The following GRM8 variants were observed in gnomAD, a reference collection of about 807,000 sequenced individuals.
GRM8 encodes metabotropic glutamate receptor 8.
In GRM8, 47 loss-of-function variants were observed where a neutral mutation model predicts 87.2. The ratio of observed to expected loss-of-function variants is 0.54; its 90% CI spans 0.43 to 0.69. The LOEUF (loss-of-function observed/expected upper bound fraction) is 0.69. Among genes scored for constraint, GRM8 ranks in the 30% least tolerant of loss-of-function variants. GRM8 has a pLI of 0.00. For missense variants in GRM8, 1,019 were observed against 1,139.2 expected (o/e 0.89, Z 1.52); for synonymous variants, 396 against 404.5 (o/e 0.98, Z 0.25).
At chr7:127,060,940 C>T (rs1403892545) in intron 3 of GRM8, among the ~76,000 whole-genome samples, 1 of 152,136 alleles carries the variant, frequency 6.6e-6, no homozygotes, top group Non-Finnish European at 1.5e-5. Context: ...AATAGGGACA[C>T]ATTTGTGCAA....
intron 7 of GRM8, among the ~76,000 whole-genome samples, chr7:126,722,944 A>C (rs899612550): frequency 6.8e-6 from 1 of 147,048 alleles, no homozygotes; most frequent in African/African-American, 2.5e-5. Flanking sequence ...TATATGTTAT[A>C]GATAATATAT....
intron 7 of GRM8, among the ~76,000 whole-genome samples, chr7:126,696,798 T>C (rs1485817121): frequency 6.6e-6 from 1 of 152,062 alleles, no homozygotes. Context: ...GTTTACTGAA[T>C]ACAGGCCTTC....
chr7:126,940,382 C>T (rs1257743766), intron 3 of GRM8, among the ~76,000 whole-genome samples: 1 of 152,180 alleles, frequency 6.6e-6, no homozygotes, highest in Non-Finnish European at 1.5e-5. Flanking sequence ...AGCCATGGAG[C>T]CTCTTGCTGA....
intron 7 of GRM8, among the ~76,000 whole-genome samples, chr7:126,680,679 C>A (rs1350197163): frequency 2.6e-5 from 4 of 152,192 alleles, no homozygotes; most frequent in African/African-American, 4.8e-5. Context: ...TTATCATTGT[C>A]TATCTGCCCT....
intron 3 of GRM8, among the ~76,000 whole-genome samples, chr7:126,978,524 T>C (rs1811226072): frequency 6.6e-6 from 1 of 152,176 alleles, no homozygotes; most frequent in South Asian, 2.1e-4. Context: ...GTAGGACAGA[T>C]GTATTAGACT....
At chr7:126,602,806 A>G (rs1427040079) in intron 8 of GRM8, among the ~76,000 whole-genome samples, 2 of 149,686 alleles carry the variant, frequency 1.3e-5, no homozygotes, top group East Asian at 4.0e-4. Context: ...TACCAGAGGT[A>G]CAAGGAGGAA....
At chr7:127,183,606 C>A (rs1717723722) in intron 2 of GRM8, among the ~76,000 whole-genome samples, 1 of 151,230 alleles carries the variant, frequency 6.6e-6, no homozygotes, top group South Asian at 2.1e-4. Flanking sequence ...AATCAATAGT[C>A]TAAACTTTCT....
chr7:126,526,584 C>G lies in GRM8; in HGVS notation c.2430+6368G>C, dbSNP rs545253605. Among the ~76,000 whole-genome samples the G allele has an allele frequency of 3.9e-5, 6 of 152,328 alleles. No homozygotes were observed. The South Asian group carries it at 1.2e-3, about 32-fold the overall frequency. On this transcript the variant is annotated intron_variant, in intron 9 of 10. Coordinates refer to ENST00000339582, the MANE Select transcript of GRM8 (RefSeq NM_000845.3). Reference sequence around the variant, plus strand: ...GTAATCTTCAGCCCCACAGCTTCCTCAGAACCCCCAAAAGTAGGATGTGTA... The same window carrying G: ...GTAATCTTCAGCCCCACAGCTTCCTGAGAACCCCCAAAAGTAGGATGTGTA...
chr7:126,636,330 T>A (rs1359284001), intron 7 of GRM8, among the ~76,000 whole-genome samples: 1 of 152,078 alleles, frequency 6.6e-6, no homozygotes, highest in Non-Finnish European at 1.5e-5. Flanking sequence ...AGGCCTCCCA[T>A]GGATACCAAA....
At chr7:126,910,444 T>G (rs753068720) in intron 3 of GRM8, among the ~76,000 whole-genome samples, 3 of 152,168 alleles carry the variant, frequency 2.0e-5, no homozygotes, top group Non-Finnish European at 4.4e-5. Context: ...TGACAGGTAC[T>G]GCTAGGATAG....
At chr7:126,937,116 G>A (rs968596822) in intron 3 of GRM8, among the ~76,000 whole-genome samples, 1 of 152,168 alleles carries the variant, frequency 6.6e-6, no homozygotes, top group Non-Finnish European at 1.5e-5. Flanking sequence ...CTGTTGCTCA[G>A]AGCATCCTTC....
chr7:126,626,677 T>G (rs1800729866), intron 7 of GRM8, among the ~76,000 whole-genome samples: 1 of 152,160 alleles, frequency 6.6e-6, no homozygotes, highest in African/African-American at 2.4e-5. Flanking sequence ...TATTTTTCTT[T>G]CTTAGAAGTG....
At chr7:126,913,539 T>A (rs1803536855) in intron 3 of GRM8, among the ~76,000 whole-genome samples, 1 of 152,202 alleles carries the variant, frequency 6.6e-6, no homozygotes, top group Non-Finnish European at 1.5e-5. Flanking sequence ...TGCCTTCAGA[T>A]AATAGCAATG....
At chr7:126,503,969 G>C (rs182354721) in intron 9 of GRM8, among the ~76,000 whole-genome samples, 1 of 152,020 alleles carries the variant, frequency 6.6e-6, no homozygotes, top group East Asian at 1.9e-4. Flanking sequence ...CGCAGTCTTT[G>C]CATGAATTAA....
chr7:126,740,084 A>C (rs759791045), intron 7 of GRM8, among the ~76,000 whole-genome samples: 6 of 152,140 alleles, frequency 3.9e-5, no homozygotes, highest in Non-Finnish European at 5.9e-5. Context: ...AATGGTCTAC[A>C]TTTATATAGT....
At chr7:127,042,672 C>G (rs999705067) in intron 3 of GRM8, among the ~76,000 whole-genome samples, 7 of 152,092 alleles carry the variant, frequency 4.6e-5, no homozygotes, top group Non-Finnish European at 8.8e-5. Context: ...AGAAGAAAAC[C>G]TAGGCAATTC....
At chr7:126,547,904 A>G (rs992030799) in intron 8 of GRM8, among the ~76,000 whole-genome samples, 2 of 131,164 alleles carry the variant, frequency 1.5e-5, no homozygotes, top group Non-Finnish European at 3.4e-5. Flanking sequence ...AATGAAAAAA[A>G]AAACCTAGTT....
chr7:126,446,322 T>C lies in GRM8; in HGVS notation c.2481A>G (p.Ser827=). The change falls in exon 10 of 11, where the codon TCA becomes TCG. Residue 827 remains serine (S), a synonymous_variant. Coordinates refer to ENST00000339582, the MANE Select transcript of GRM8 (RefSeq NM_000845.3). ...GCATATAGAGCATGCCCAGAGATACTGAAGCACTTAAACTCATGGAGACAG... is the reference window on the plus strand; with the variant it reads ...GCATATAGAGCATGCCCAGAGATACCGAAGCACTTAAACTCATGGAGACAG... ...TLTVSMSLSA[S]VSLGMLYMPK... 3 of 1,610,468 alleles carry C rather than the reference T, an allele frequency of 1.9e-6. No homozygotes were observed. The highest frequency in any genetic ancestry group is 2.2e-5 in the South Asian group (2 of 91,002).
At chr7:127,030,611 T>G (rs549194896) in intron 3 of GRM8, among the ~76,000 whole-genome samples, 53 of 152,194 alleles carry the variant, frequency 3.5e-4, no homozygotes, top group African/African-American at 1.2e-3. Context: ...CACATAATAG[T>G]ACTCATTAAA....
Sources: gnomAD v4.1 joint callset for allele counts (sites outside exome capture counted in the v4.1 genomes callset) on GRCh38, gnomAD v4.1.1 for gene constraint, MANE v1.5 for transcripts, NCBI Gene and HGNC (gene_info 2026-07-23, HGNC 2026-07-21) for gene names.